The following ATG7 variants were observed in gnomAD, a reference collection of about 807,000 sequenced individuals.
ATG7 encodes the protein ubiquitin-like modifier-activating enzyme ATG7.
ATG7 carries 70 observed loss-of-function variants against 82.4 expected under a neutral mutation model. That is an observed-to-expected ratio of 0.85 (90% CI 0.70 to 1.04). The LOEUF (loss-of-function observed/expected upper bound fraction) is 1.04. Ranked by LOEUF, ATG7 falls within the 50% of genes least tolerant of loss-of-function variation. The pLI is 0.00. For synonymous variants in ATG7, 287 were observed against 313.0 expected (o/e 0.92, Z 0.88); for missense variants, 792 against 864.3 (o/e 0.92, Z 1.05).
intron 14 of ATG7, among the ~76,000 whole-genome samples, chr3:11,357,061 A>G (rs1575667472): frequency 1.3e-5 from 2 of 152,228 alleles, no homozygotes; most frequent in East Asian, 3.9e-4. Flanking sequence ...TACAAATTTG[A>G]TATTTCTTTG....
intron 19 of ATG7, among the ~76,000 whole-genome samples, chr3:11,398,772 G>A (rs2079542571): frequency 6.6e-6 from 1 of 152,170 alleles, no homozygotes; most frequent in South Asian, 2.1e-4. Flanking sequence ...GATTGCTTAA[G>A]CCCGGGAGTT....
chr3:11,439,919 AT>A (rs753823324), intron 20 of ATG7, among the ~76,000 whole-genome samples: 67 of 152,340 alleles, frequency 4.4e-4, no homozygotes, highest in Admixed American at 1.2e-3. Context: ...GGTGACTATT[AT>A]CCCATTTTAT....
At chr3:11,571,626 C>T in the ATG7 span, among the ~76,000 whole-genome samples, 1 of 152,122 alleles carries the variant, frequency 6.6e-6, no homozygotes, top group South Asian at 2.1e-4. Flanking sequence ...ATGACAGAGC[C>T]ACTGCACTCC....
At position 11,337,469 on chromosome 3, in the gene ATG7, GCTCT is replaced by G. The variant is rs66816143; in HGVS notation, c.890-3159_890-3156del. 1.7e-4 allele frequency among the ~76,000 whole-genome samples: 25 copies of G among 149,530 alleles called. No homozygotes were observed. The South Asian group carries it at 3.0e-3, about 18-fold the overall frequency. On this transcript the variant is annotated intron_variant, in intron 11 of 20. Transcript: ENST00000693202. ...CTCTGTCTGTCTCTCTGTCTTTCTA[GCTCT>G]CTCTCTCTCTCTCTCTATATATATA...
chr3:11,555,352 G>C lies in ATG7; in HGVS notation c.*509G>C. On this transcript the variant is annotated 3_prime_UTR_variant, in exon 21 of 21. Transcript: ENST00000693202. ...CTGCACCCTGGCCCTGGTGGAGCGG[G>C]AGGAGGAGGAGAGCCGAGCTGGGTA... The C allele has an allele frequency of 6.4e-6, 1 of 155,646 alleles. No homozygotes were observed. The highest frequency in any genetic ancestry group is 1.4e-5 in the Non-Finnish European group (1 of 70,410). 9.6% of individuals were successfully genotyped at this position (155,646 alleles called of 1,614,324 possible). A position where few individuals can be genotyped will look rare whatever the true frequency, so the allele number is the denominator to read the frequency against.
intron 20 of ATG7, among the ~76,000 whole-genome samples, chr3:11,489,824 G>A (rs1167563273): frequency 6.6e-6 from 1 of 152,044 alleles, no homozygotes; most frequent in Non-Finnish European, 1.5e-5. Flanking sequence ...TAGTTTGATT[G>A]CACTGTGATC....
chr3:11,530,516 A>G (rs1344805489), intron 20 of ATG7, among the ~76,000 whole-genome samples: 1 of 152,200 alleles, frequency 6.6e-6, no homozygotes, highest in African/African-American at 2.4e-5. Flanking sequence ...AAAGATAAAT[A>G]CAAGAAAAAC....
intron 19 of ATG7, among the ~76,000 whole-genome samples, chr3:11,391,229 T>G (rs2078778550): frequency 1.3e-5 from 2 of 152,238 alleles, no homozygotes; most frequent in South Asian, 4.1e-4. Flanking sequence ...AATACTAATG[T>G]GCAAGTTTTT....
At chr3:11,323,094 CA>C (rs942855793) in intron 9 of ATG7, among the ~76,000 whole-genome samples, 1 of 147,836 alleles carries the variant, frequency 6.8e-6, no homozygotes, top group Non-Finnish European at 1.5e-5. Flanking sequence ...ATGAAACTGT[CA>C]AAAAAAAAAG....
intron 13 of ATG7, among the ~76,000 whole-genome samples, chr3:11,344,833 C>T (rs1954245116): frequency 6.6e-6 from 1 of 152,186 alleles, no homozygotes; most frequent in Non-Finnish European, 1.5e-5. Flanking sequence ...CGTGCCACTG[C>T]TCTCCAGCCT....
intron 19 of ATG7, among the ~76,000 whole-genome samples, chr3:11,416,079 A>G (rs1362427917): frequency 6.6e-6 from 1 of 152,184 alleles, no homozygotes; most frequent in Non-Finnish European, 1.5e-5. Flanking sequence ...CTGAAATGTC[A>G]TGTGGTGCAT....
chr3:11,315,494 G>C lies in ATG7; in HGVS notation c.678+1G>C. 1 of 1,581,464 alleles carries C rather than the reference G, an allele frequency of 6.3e-7. No individual in the cohort carries two copies. Among genetic ancestry groups the C allele is most frequent in the Non-Finnish European group, 8.6e-7 (1 of 1,167,830 alleles). On this transcript the variant is annotated splice_donor_variant, in intron 9 of 20. Transcript: ENST00000693202. LOFTEE classifies it high-confidence loss of function. Reference sequence around the variant, plus strand: ...TTTCTTCCAAGGTCAAAGGACGAAGGTCAGATAAACTTTGAGTATCATTTT... The same window carrying C: ...TTTCTTCCAAGGTCAAAGGACGAAGCTCAGATAAACTTTGAGTATCATTTT...
Position 11,521,557 on chromosome 3 carries a change from G to GTT in ATG7, c.2080-33242_2080-33241dup, listed in dbSNP as rs58493047. 7.0e-5 allele frequency among the ~76,000 whole-genome samples: 10 copies of GTT among 143,692 alleles called. No individual in the cohort carries two copies. In the South Asian group the frequency reaches 2.2e-3, roughly 32 times the overall value. The allele number at this position is 143,692 out of a possible 152,430, so 94.3% of individuals were successfully genotyped here. A position where few individuals can be genotyped will look rare whatever the true frequency, so the allele number is the denominator to read the frequency against. On this transcript the variant is annotated intron_variant, in intron 20 of 20. Coordinates refer to ENST00000693202, the MANE Select transcript of ATG7 (RefSeq NM_001349232.2). ...TGGCCAGCCCAGGAAGGGTTTTTTT[G>GTT]TTTTTTTTTTTTTAAGACGGAGTCT...
At chr3:11,274,140 TA>T (rs979540982) in intron 1 of ATG7, among the ~76,000 whole-genome samples, 1 of 152,138 alleles carries the variant, frequency 6.6e-6, no homozygotes, top group Non-Finnish European at 1.5e-5. Flanking sequence ...AAGAGCTGAG[TA>T]CTGGACTTTC....
chr3:11,423,368 T>C (rs2082096935), intron 19 of ATG7, among the ~76,000 whole-genome samples: 2 of 152,188 alleles, frequency 1.3e-5, no homozygotes. Flanking sequence ...GTTTGAAATA[T>C]TGTGAGAATT....
chr3:11,336,979 T>G (rs1338816049), intron 11 of ATG7, among the ~76,000 whole-genome samples: 2 of 152,038 alleles, frequency 1.3e-5, no homozygotes, highest in East Asian at 3.9e-4. Context: ...AGTCGAGGAG[T>G]ATTATTTTAA....
chr3:11,533,256 G>A (rs1220784922), intron 20 of ATG7, among the ~76,000 whole-genome samples: 3 of 152,118 alleles, frequency 2.0e-5, no homozygotes, highest in Admixed American at 2.0e-4. Flanking sequence ...TCATCACCGT[G>A]AGTGTTCATT....
intron 20 of ATG7, among the ~76,000 whole-genome samples, chr3:11,438,102 T>C (rs2083526947): frequency 6.6e-6 from 1 of 152,148 alleles, no homozygotes; most frequent in East Asian, 1.9e-4. Context: ...CACGCTCCTC[T>C]CTAAATGGGG....
chr3:11,472,566 G>A (rs1255645197), intron 20 of ATG7, among the ~76,000 whole-genome samples: 3 of 152,112 alleles, frequency 2.0e-5, no homozygotes, highest in Non-Finnish European at 4.4e-5. Context: ...TTAGAAAACC[G>A]GTGAGTTTAT....
Sources: gnomAD v4.1 joint callset for allele counts (sites outside exome capture counted in the v4.1 genomes callset) on GRCh38, gnomAD v4.1.1 for gene constraint, MANE v1.5 for transcripts, NCBI Gene and HGNC (gene_info 2026-07-23, HGNC 2026-07-21) for gene names.